UPP2: variants seen among roughly 807,000 people sequenced by gnomAD.
UPP2 encodes UPase 2.
UPP2 carries 23 observed loss-of-function variants against 26.7 expected under a neutral mutation model. The observed-to-expected ratio is 0.86, with a 90% CI of 0.62 to 1.22. UPP2 has a LOEUF of 1.22. UPP2 is among the 50% of genes most tolerant of loss of function. The pLI is 0.00. For synonymous variants in UPP2, 127 were observed against 141.3 expected (o/e 0.90, Z 0.72); for missense variants, 387 against 396.7 (o/e 0.98, Z 0.21).
intron 3 of UPP2, among the ~76,000 whole-genome samples, chr2:158,078,259 G>A (rs896096418): frequency 2.6e-5 from 4 of 152,152 alleles, no homozygotes; most frequent in African/African-American, 9.7e-5. Flanking sequence ...GTCACCATAT[G>A]ATCCAGCAAT....
At chr2:158,069,368 C>T (rs901758436) in intron 3 of UPP2, among the ~76,000 whole-genome samples, 12 of 152,170 alleles carry the variant, frequency 7.9e-5, no homozygotes, top group Non-Finnish European at 1.2e-4. Context: ...AGAGATATTG[C>T]AGGAGAAAGG....
At chr2:158,095,903 T>G (rs1265867102) in intron 3 of UPP2, among the ~76,000 whole-genome samples, 1 of 152,234 alleles carries the variant, frequency 6.6e-6, no homozygotes, top group Non-Finnish European at 1.5e-5. Context: ...ATTTAAAATA[T>G]GCTTTATTTC....
chr2:158,086,546 G>A (rs1288201367), intron 3 of UPP2, among the ~76,000 whole-genome samples: 1 of 151,894 alleles, frequency 6.6e-6, no homozygotes, highest in Non-Finnish European at 1.5e-5. Context: ...GGTTTGGTTT[G>A]TTCTTGTTTC....
At chr2:158,131,081 A>C (rs1683808877) in intron 6 of UPP2, among the ~76,000 whole-genome samples, 1 of 152,230 alleles carries the variant, frequency 6.6e-6, no homozygotes. Context: ...TGATTAAAAA[A>C]CATTTCCTGT....
chr2:158,126,086 T>C (rs1470261951), intron 6 of UPP2, among the ~76,000 whole-genome samples: 1 of 152,230 alleles, frequency 6.6e-6, no homozygotes, highest in Non-Finnish European at 1.5e-5. Context: ...TCTAGGCTTG[T>C]GGACCCTGGA....
At chr2:158,060,664 T>C (rs368942309) in intron 3 of UPP2, among the ~76,000 whole-genome samples, 1 of 152,186 alleles carries the variant, frequency 6.6e-6, no homozygotes, top group South Asian at 2.1e-4. Context: ...TCCAATGAGA[T>C]AGTATCTGGA....
At chr2:158,097,088 A>T (rs1392704004), upstream of UPP2, among the ~76,000 whole-genome samples, 1 of 152,102 alleles carries the variant, frequency 6.6e-6, no homozygotes, top group East Asian at 1.9e-4. Flanking sequence ...ATGATAAAAA[A>T]TATGAACCAG....
At chr2:158,129,051 G>A (rs1683752017) in intron 6 of UPP2, among the ~76,000 whole-genome samples, 1 of 151,996 alleles carries the variant, frequency 6.6e-6, no homozygotes, top group African/African-American at 2.4e-5. Context: ...CAAGGTCAGT[G>A]TCTATAGTTT....
chr2:158,030,856 T>G (rs1683910518), intron 3 of UPP2, among the ~76,000 whole-genome samples: 1 of 152,198 alleles, frequency 6.6e-6, no homozygotes, highest in African/African-American at 2.4e-5. Flanking sequence ...AAAAGTGAGC[T>G]GCTGGTTGGA....
intron 5 of UPP2, among the ~76,000 whole-genome samples, chr2:158,121,877 G>C (rs1026346380): frequency 1.3e-5 from 2 of 152,048 alleles, no homozygotes; most frequent in Non-Finnish European, 2.9e-5. Flanking sequence ...GATGTTCACA[G>C]AATCTTATCT....
At position 158,063,542 on chromosome 2, in the gene UPP2, G is replaced by A. The variant is rs375415493; in HGVS notation, c.148-38498G>A. Among the ~76,000 whole-genome samples, 143 of 152,042 alleles carry A rather than the reference G, an allele frequency of 9.4e-4. 4 individuals are homozygous for A. The South Asian group carries it at 0.025, about 27-fold the overall frequency. On this transcript the variant is annotated intron_variant, in intron 3 of 9. Transcript: ENST00000605860. ...AACAACCATCTCTGCCTCCTGCCCTGCAGCCTCTGCCACTGCTGCCTGGGG... is the reference window on the plus strand; with the variant it reads ...AACAACCATCTCTGCCTCCTGCCCTACAGCCTCTGCCACTGCTGCCTGGGG...
rs564313831 is a variant in UPP2, at chr2:158,048,054, C to T, written c.147+32168C>T. Among the ~76,000 whole-genome samples, 252 of 152,268 alleles carry T rather than the reference C, an allele frequency of 1.7e-3. 1 individual carries two copies. The highest frequency in any genetic ancestry group is 3.2e-3 in the Non-Finnish European group (220 of 68,022). ...ATCTGAGATTACATAGCCAGATGTT[C>T]AACCAGAGAAGGATTAAGGGGTGAG... On this transcript the variant is annotated intron_variant, in intron 3 of 9. Coordinates refer to the UPP2 transcript ENST00000605860.
intron 3 of UPP2, among the ~76,000 whole-genome samples, 190 bp downstream of exon 3, chr2:158,115,449 A>G (rs565778262): frequency 1.3e-4 from 20 of 152,314 alleles, no homozygotes; most frequent in Admixed American, 1.3e-3. Flanking sequence ...ATTTTTGTTT[A>G]TTAGTTACCA....
chr2:158,086,530 G>A (rs528657021), intron 3 of UPP2, among the ~76,000 whole-genome samples: 135 of 151,824 alleles, frequency 8.9e-4, no homozygotes, highest in African/African-American at 2.6e-3. Context: ...TCTTCTGCTG[G>A]GTTTGGGTTT....
chr2:158,085,993 G>A (rs1332894723), intron 3 of UPP2, among the ~76,000 whole-genome samples: 2 of 151,944 alleles, frequency 1.3e-5, no homozygotes, highest in Admixed American at 1.3e-4. Flanking sequence ...CCTGGTTTTG[G>A]TATTAGGGTG....
chr2:157,996,266 C>A (rs1188097397), intron 2 of UPP2, among the ~76,000 whole-genome samples: 1 of 152,124 alleles, frequency 6.6e-6, no homozygotes, highest in African/African-American at 2.4e-5. Flanking sequence ...CTTACCATAC[C>A]TTTAGTGAGG....
chr2:158,017,150 G>A (rs1683672303), intron 3 of UPP2, among the ~76,000 whole-genome samples: 1 of 152,110 alleles, frequency 6.6e-6, no homozygotes, highest in Non-Finnish European at 1.5e-5. Context: ...CACAACATTA[G>A]TTGACACAGC....
At chr2:158,126,751 AG>A (rs890312723) in intron 6 of UPP2, 5 of 152,200 alleles carry the variant, frequency 3.3e-5, no homozygotes, top group Non-Finnish European at 7.3e-5. Context: ...GCTGAAACAG[AG>A]GAAGTTAGAG....
intron 2 of UPP2, among the ~76,000 whole-genome samples, chr2:158,008,175 T>C (rs1683523136): frequency 6.6e-6 from 1 of 152,260 alleles, no homozygotes; most frequent in South Asian, 2.1e-4. Context: ...AGACTTTGTG[T>C]GTTTTTAATG....
Sources: gnomAD v4.1 joint callset for allele counts (sites outside exome capture counted in the v4.1 genomes callset) on GRCh38, gnomAD v4.1.1 for gene constraint, MANE v1.5 for transcripts, NCBI Gene and HGNC (gene_info 2026-07-23, HGNC 2026-07-21) for gene names.